The following PTPRD variants were observed in gnomAD, a reference collection of about 807,000 sequenced individuals.
The protein encoded by PTPRD is receptor-type tyrosine-protein phosphatase delta.
PTPRD carries 34 observed loss-of-function variants against 214.5 expected under a neutral mutation model. That is an observed-to-expected ratio of 0.16 (90% CI 0.12 to 0.21). The LOEUF (loss-of-function observed/expected upper bound fraction) is 0.21. PTPRD is among the 10% of genes least tolerant of loss of function. The probability of loss-of-function intolerance (pLI) is 1.00; values close to 1 mark genes in which losing one functional copy is unlikely to be tolerated. For missense variants in PTPRD, 2,545 were observed against 2,398.7 expected, an observed-to-expected ratio of 1.06 and a Z score of -1.27; for synonymous variants, 1,128 against 845.7, an observed-to-expected ratio of 1.33 and a Z score of -5.79.
intron 11 of PTPRD, among the ~76,000 whole-genome samples, chr9:8,895,043 T>C (rs949087089): frequency 1.3e-5 from 2 of 152,236 alleles, no homozygotes; most frequent in Non-Finnish European, 2.9e-5. Flanking sequence ...ATCTTTTCAC[T>C]TTTTACTTTG....
At chr9:9,405,856 C>T (rs1398564736) in intron 8 of PTPRD, among the ~76,000 whole-genome samples, 3 of 151,846 alleles carry the variant, frequency 2.0e-5, no homozygotes, top group East Asian at 1.9e-4. Context: ...TGATGTTTGT[C>T]CTTTGGCTTT....
At chr9:10,085,331 T>C (rs2098316548) in intron 3 of PTPRD, among the ~76,000 whole-genome samples, 1 of 151,842 alleles carries the variant, frequency 6.6e-6, no homozygotes, top group Non-Finnish European at 1.5e-5. Flanking sequence ...ATTGACATCA[T>C]GGTGAACCTG....
intron 12 of PTPRD, among the ~76,000 whole-genome samples, chr9:8,655,236 C>T (rs1019492311): frequency 6.6e-6 from 1 of 152,168 alleles, no homozygotes; most frequent in African/African-American, 2.4e-5. Flanking sequence ...TGTGATACTT[C>T]TCTAAGGCAC....
chr9:8,504,532 T>A, intron 22 of PTPRD, 127 bp from the exon 23 acceptor site: 1 of 1,084,632 alleles, frequency 9.2e-7, no homozygotes, highest in Non-Finnish European at 1.4e-6. Flanking sequence ...ACCAAAAGAG[T>A]CAATAGTGAG....
chr9:9,632,922 T>C (rs1284249850), intron 7 of PTPRD, among the ~76,000 whole-genome samples: 3 of 152,070 alleles, frequency 2.0e-5, no homozygotes. Flanking sequence ...GGAGAAGGAA[T>C]AGTAAGATCT....
chr9:8,434,463 A>G (rs2095257678), intron 35 of PTPRD, among the ~76,000 whole-genome samples: 1 of 152,196 alleles, frequency 6.6e-6, no homozygotes, highest in Non-Finnish European at 1.5e-5. Flanking sequence ...TTACACAGTG[A>G]CAAAATCACC....
chr9:9,961,429 G>C (rs2094356661), intron 4 of PTPRD, among the ~76,000 whole-genome samples: 1 of 152,070 alleles, frequency 6.6e-6, no homozygotes. Context: ...TGGACCTTTT[G>C]TTTTGAACAT....
chr9:9,085,076 C>G (rs2099765050), intron 10 of PTPRD, among the ~76,000 whole-genome samples: 1 of 152,028 alleles, frequency 6.6e-6, no homozygotes, highest in Non-Finnish European at 1.5e-5. Context: ...GTAATTTTAT[C>G]ATTATTTCAT....
At chr9:9,599,656 T>C (rs966593559) in intron 7 of PTPRD, among the ~76,000 whole-genome samples, 3 of 151,866 alleles carry the variant, frequency 2.0e-5, no homozygotes, top group African/African-American at 7.2e-5. Context: ...CCATTTTTTC[T>C]CTTTGGTTTT....
intron 3 of PTPRD, among the ~76,000 whole-genome samples, chr9:10,203,279 A>G (rs976416064): frequency 1.3e-5 from 2 of 151,832 alleles, no homozygotes; most frequent in African/African-American, 2.4e-5. Flanking sequence ...AGCACTCAAT[A>G]AATCATTGGT....
intron 11 of PTPRD, among the ~76,000 whole-genome samples, chr9:8,737,409 G>C (rs1257006642): frequency 6.6e-6 from 1 of 151,276 alleles, no homozygotes; most frequent in Non-Finnish European, 1.5e-5. Flanking sequence ...TTTAAATTTA[G>C]GTACAAAAAT....
chr9:10,206,000 T>G (rs2099473736), intron 3 of PTPRD, among the ~76,000 whole-genome samples: 1 of 150,226 alleles, frequency 6.7e-6, no homozygotes, highest in South Asian at 2.1e-4. Flanking sequence ...GAGTCTGATA[T>G]GTAAATCAAC....
chr9:10,490,418 A>C (rs944608250), intron 2 of PTPRD, among the ~76,000 whole-genome samples: 2 of 152,190 alleles, frequency 1.3e-5, no homozygotes, highest in Non-Finnish European at 2.9e-5. Context: ...CATCATCCTA[A>C]TAGAAGGTCT....
At chr9:10,238,183 AG>A (rs59966432) in intron 3 of PTPRD, among the ~76,000 whole-genome samples, 63,648 of 151,644 alleles carry the variant, frequency 0.42, 14,624 homozygotes, top group East Asian at 0.61. Flanking sequence ...CCTGCTCTAA[AG>A]GACAGGAAGA....
chr9:10,153,238 G>A (rs1185118645), intron 3 of PTPRD, among the ~76,000 whole-genome samples: 1 of 151,796 alleles, frequency 6.6e-6, no homozygotes, highest in Non-Finnish European at 1.5e-5. Flanking sequence ...ACTGTAATGT[G>A]TACATACATC....
chr9:10,231,981 AGAGAGAGAGTGT>A (rs1267846395), intron 3 of PTPRD, among the ~76,000 whole-genome samples: 10 of 102,486 alleles, frequency 9.8e-5, no homozygotes, highest in African/African-American at 3.2e-4. Context: ...AGAGAGAGAG[AGAGAGAGAGTGT>A]GTGTGTGTGT....
chr9:9,624,271 T>G (rs1041443198), intron 7 of PTPRD, among the ~76,000 whole-genome samples: 1 of 67,940 alleles, frequency 1.5e-5, no homozygotes, highest in African/African-American at 4.8e-5. Flanking sequence ...CAGTAGCTAG[T>G]TTTTTTTTTG....
Position 9,058,442 on chromosome 9 carries a change from G to GTTTT in PTPRD, c.-142-39711_-142-39708dup, listed in dbSNP as rs777910266. Among the ~76,000 whole-genome samples, 22 of 69,900 alleles carry GTTTT rather than the reference G, an allele frequency of 3.1e-4. 2 individuals carry two copies. The highest frequency in any genetic ancestry group is 5.0e-4 in the African/African-American group (10 of 20,062). The allele number at this position is 69,900 out of a possible 152,430, so 45.9% of individuals were successfully genotyped here. On this transcript the variant is annotated intron_variant, in intron 10 of 45. Transcript: ENST00000381196. ...TATTGGTGAGAGAAATATTATGAGG[G>GTTTT]TTTTTTTTTTTTTTTTTTTTTTTTT... is the stretch of plus-strand genomic sequence containing the variant.
chr9:9,222,045 T>A (rs2099956432), intron 9 of PTPRD, among the ~76,000 whole-genome samples: 1 of 152,140 alleles, frequency 6.6e-6, no homozygotes, highest in African/African-American at 2.4e-5. Context: ...TTTTGTCCAT[T>A]GTGTTGGAAC....
Sources: allele counts gnomAD v4.1 joint callset (sites outside exome capture counted in the v4.1 genomes callset), GRCh38; gene constraint gnomAD v4.1.1; transcripts MANE v1.5; gene names NCBI Gene and HGNC (gene_info 2026-07-23, HGNC 2026-07-21).